ACYP2: variants seen among roughly 807,000 people sequenced by gnomAD.
ACYP2 encodes acylphosphatase-2.
Under a neutral mutation model 11.2 loss-of-function variants are expected in ACYP2, and 12 were observed. The ratio of observed to expected loss-of-function variants is 1.08; its 90% CI spans 0.69 to 1.74. ACYP2 has a LOEUF of 1.74. Among genes scored for constraint, ACYP2 ranks in the 40% most tolerant of loss-of-function variants. The pLI is 0.00. For missense variants in ACYP2, 134 were observed against 101.9 expected, an observed-to-expected ratio of 1.31 and a Z score of -1.35; for synonymous variants, 43 against 32.2, an observed-to-expected ratio of 1.33 and a Z score of -1.13.
At chr2:54,279,257 T>C (rs762740956) in intron 6 of ACYP2, among the ~76,000 whole-genome samples, 6 of 152,290 alleles carry the variant, frequency 3.9e-5, no homozygotes, top group Non-Finnish European at 8.8e-5. Flanking sequence ...TTTTTGTAAA[T>C]CAAGTTGTAC....
In ACYP2 at chr2:54,271,493, AAGGAGGACTCAGCAC is replaced by A. The variant is rs377419157; in HGVS notation, c.405-33193_405-33179del. Among the ~76,000 whole-genome samples the A allele has an allele frequency of 1.7e-3, 262 of 152,172 alleles. 1 individual carries two copies. Among genetic ancestry groups the A allele is most frequent in the Non-Finnish European group, 3.5e-3 (239 of 67,994 alleles). ...AGTGTGTCCTGTGGCCCCCCACCCA[AAGGAGGACTCAGCAC>A]ACTGGGATCATTTTCCATACCCCTG... On this transcript the variant is annotated intron_variant, in intron 6 of 6. Transcript: ENST00000607452.
chr2:54,066,983 T>G (rs1676784672), intron 4 of ACYP2, among the ~76,000 whole-genome samples: 1 of 152,218 alleles, frequency 6.6e-6, no homozygotes, highest in African/African-American at 2.4e-5. Flanking sequence ...AATCTGAATT[T>G]TACTACTATT....
intron 6 of ACYP2, among the ~76,000 whole-genome samples, chr2:54,232,046 G>T (rs935109654): frequency 6.6e-6 from 1 of 152,114 alleles, no homozygotes; most frequent in African/African-American, 2.4e-5. Flanking sequence ...CACAAATTAT[G>T]GCACTTTATG....
At chr2:54,173,717 A>C (rs1683319505) in intron 6 of ACYP2, among the ~76,000 whole-genome samples, 2 of 152,152 alleles carry the variant, frequency 1.3e-5, no homozygotes, top group African/African-American at 4.8e-5. Context: ...ATTTTTGTAT[A>C]AGGTGTAAGG....
At chr2:53,976,145 A>T (rs1050540265) in intron 2 of ACYP2, among the ~76,000 whole-genome samples, 2 of 152,224 alleles carry the variant, frequency 1.3e-5, no homozygotes, top group East Asian at 3.9e-4. Context: ...TTTTCTCTGT[A>T]TATATGATAT....
chr2:54,053,131 T>C (rs1675951502), intron 3 of ACYP2, among the ~76,000 whole-genome samples: 1 of 152,226 alleles, frequency 6.6e-6, no homozygotes, highest in Non-Finnish European at 1.5e-5. Flanking sequence ...CACTGTTGGC[T>C]CAGTATAAGT....
chr2:54,261,612 C>G (rs183289300), intron 6 of ACYP2, among the ~76,000 whole-genome samples: 250 of 152,268 alleles, frequency 1.6e-3, no homozygotes, highest in African/African-American at 5.7e-3. Flanking sequence ...TTTCCTTGGA[C>G]TCCTCAAATA....
intron 6 of ACYP2, among the ~76,000 whole-genome samples, chr2:54,248,757 G>T (rs565934649): frequency 6.6e-6 from 1 of 152,192 alleles, no homozygotes; most frequent in East Asian, 1.9e-4. Flanking sequence ...ACTTAAAATT[G>T]AGTGACAAAT....
At chr2:54,279,054 G>A (rs1688734262) in intron 6 of ACYP2, among the ~76,000 whole-genome samples, 1 of 152,124 alleles carries the variant, frequency 6.6e-6, no homozygotes, top group Non-Finnish European at 1.5e-5. Context: ...CACTTTTAAT[G>A]CCACAGTAAA....
chr2:54,160,517 CCTTTT>C (rs1287976080), intron 6 of ACYP2, among the ~76,000 whole-genome samples: 2 of 152,188 alleles, frequency 1.3e-5, no homozygotes, highest in African/African-American at 2.4e-5. Flanking sequence ...GATTGTCTGT[CCTTTT>C]CTTCTTTGAA....
At chr2:54,041,982 C>T (rs562874419) in intron 2 of ACYP2, among the ~76,000 whole-genome samples, 90 of 151,044 alleles carry the variant, frequency 6.0e-4, no homozygotes, top group African/African-American at 2.2e-3. Flanking sequence ...GTCTCCGGTC[C>T]ATTGCTTCAA....
At chr2:54,033,170 T>C (rs2104555945) in intron 2 of ACYP2, among the ~76,000 whole-genome samples, 1 of 150,686 alleles carries the variant, frequency 6.6e-6, no homozygotes, top group South Asian at 2.1e-4. Flanking sequence ...GGGAGTGTGG[T>C]TAGGCCCCTC....
intron 6 of ACYP2, among the ~76,000 whole-genome samples, chr2:54,184,030 AAAG>A (rs1683865529): frequency 6.6e-6 from 1 of 152,184 alleles, no homozygotes; most frequent in African/African-American, 2.4e-5. Context: ...ACACTTCCAG[AAAG>A]ATACTTCCTT....
chr2:54,231,871 G>C (rs773735144), intron 6 of ACYP2, among the ~76,000 whole-genome samples: 4 of 152,082 alleles, frequency 2.6e-5, no homozygotes, highest in African/African-American at 9.7e-5. Flanking sequence ...GGAGCATATC[G>C]GGCGCTGTAC....
At chr2:53,973,689 A>C (rs1433157164) in intron 1 of ACYP2, 1 of 258,034 alleles carries the variant, frequency 3.9e-6, no homozygotes, top group African/African-American at 2.3e-5. Flanking sequence ...TAATCCCAAC[A>C]CCCTTTGCTG....
chr2:54,125,583 C>T (rs2103751662), intron 4 of ACYP2, among the ~76,000 whole-genome samples: 1 of 151,632 alleles, frequency 6.6e-6, no homozygotes, highest in South Asian at 2.1e-4. Flanking sequence ...AACCCTGTCT[C>T]TACTAAAAAT....
intron 6 of ACYP2, among the ~76,000 whole-genome samples, chr2:54,217,964 A>G (rs1315284910): frequency 6.6e-6 from 1 of 152,134 alleles, no homozygotes; most frequent in African/African-American, 2.4e-5. Flanking sequence ...CCTTCTGGTA[A>G]TATTGCTACC....
chr2:53,986,129 A>AAAT (rs901011946), intron 2 of ACYP2, among the ~76,000 whole-genome samples: 2 of 151,696 alleles, frequency 1.3e-5, no homozygotes, highest in Admixed American at 6.6e-5. Context: ...TCCATCTCAA[A>AAAT]AATAATAATA....
chr2:54,020,717 A>T (rs1035010706), intron 2 of ACYP2, among the ~76,000 whole-genome samples: 1 of 152,240 alleles, frequency 6.6e-6, no homozygotes, highest in Non-Finnish European at 1.5e-5. Flanking sequence ...TCATCTAAAT[A>T]TATACAGAAA....
Sources: allele counts gnomAD v4.1 joint callset (sites outside exome capture counted in the v4.1 genomes callset), GRCh38; gene constraint gnomAD v4.1.1; transcripts MANE v1.5; gene names NCBI Gene and HGNC (gene_info 2026-07-23, HGNC 2026-07-21).